Variants in KIF26B observed in about 807,000 individuals in gnomAD.
The protein encoded by KIF26B is kinesin-like protein KIF26B.
Under a neutral mutation model 151.2 loss-of-function variants are expected in KIF26B, and 63 were observed. That is an observed-to-expected ratio of 0.42 (90% CI 0.34 to 0.51). The LOEUF is 0.51. Ranked by LOEUF, KIF26B falls within the 20% of genes least tolerant of loss-of-function variation. The probability of loss-of-function intolerance (pLI) is 0.07; values close to 1 mark genes in which losing one functional copy is unlikely to be tolerated. For missense variants in KIF26B, 2,813 were observed against 2,913.6 expected (o/e 0.97, Z 0.79); for synonymous variants, 1,357 against 1,262.1 (o/e 1.08, Z -1.59).
intron 4 of KIF26B, among the ~76,000 whole-genome samples, chr1:245,428,760 G>A (rs554168956): frequency 5.9e-5 from 9 of 152,116 alleles, no homozygotes; most frequent in African/African-American, 1.7e-4. Context: ...ACTGGCGGCC[G>A]GTTGGGGTGT....
Position 245,367,429 on chromosome 1 carries a change from C to T in KIF26B, c.999+62C>T, listed in dbSNP as rs1225539851. ...GCTGGAGTCAAAGCGGAGAAGTAGG[C>T]AGCACTTCCTTCCGCTGCCTCCTCC... On this transcript the variant is annotated intron_variant, in intron 3 of 14. Transcript: ENST00000407071. The surrounding 1 kb of genome is among the most constrained non-coding windows in gnomAD (Gnocchi z 4.2). 7 of 1,420,706 alleles carry T rather than the reference C, an allele frequency of 4.9e-6. No homozygotes were observed. The highest frequency in any genetic ancestry group is 6.7e-6 in the Non-Finnish European group (7 of 1,052,344). 88.0% of individuals were successfully genotyped at this position (1,420,706 alleles called of 1,614,324 possible).
chr1:245,662,381 CACCATATATATATACACACACAT>C (rs2044157036), intron 10 of KIF26B, among the ~76,000 whole-genome samples: 1 of 89,768 alleles, frequency 1.1e-5, no homozygotes, highest in East Asian at 4.7e-4. Flanking sequence ...TATACACACA[CACCATATATATATACACACACAT>C]ACACCCAGTG....
intron 2 of KIF26B, among the ~76,000 whole-genome samples, chr1:245,364,052 C>A (rs61065340): frequency 6.6e-6 from 1 of 152,056 alleles, no homozygotes; most frequent in African/African-American, 2.4e-5. Flanking sequence ...AGGCATGTGG[C>A]GTTAGGTAGT....
At chr1:245,370,081 G>A (rs7539004) in intron 3 of KIF26B, among the ~76,000 whole-genome samples, 9,905 of 152,106 alleles carry the variant, frequency 0.065, 766 homozygotes, top group East Asian at 0.23. Flanking sequence ...AATACATGAG[G>A]AAGTTTAAAT....
chr1:245,621,464 G>C, intron 9 of KIF26B, among the ~76,000 whole-genome samples: 1 of 152,130 alleles, frequency 6.6e-6, no homozygotes, highest in African/African-American at 2.4e-5. Context: ...CGTAGGAGAC[G>C]TTATTATATT....
chr1:245,702,335 C>T lies in KIF26B; in HGVS notation c.6179-123C>T. ...GAGGGAACTCTGCAGTGGCCTAAGG[C>T]AAGCGAACTAGACCTTTAGACCAAG... On this transcript the variant is annotated intron_variant, in intron 14 of 14. Transcript: ENST00000407071. The surrounding 1 kb of genome is among the most constrained non-coding windows in gnomAD (Gnocchi z 4.1). 1 of 1,037,498 alleles carries T rather than the reference C, an allele frequency of 9.6e-7. No homozygotes were observed. The highest frequency in any genetic ancestry group is 1.4e-6 in the Non-Finnish European group (1 of 699,590). 64.3% of individuals were successfully genotyped at this position (1,037,498 alleles called of 1,614,324 possible).
intron 5 of KIF26B, among the ~76,000 whole-genome samples, chr1:245,588,492 T>C (rs1261959521): frequency 6.6e-6 from 1 of 152,144 alleles, no homozygotes; most frequent in Non-Finnish European, 1.5e-5. Context: ...CCAGCTGGGC[T>C]TCACTGGGCC....
At chr1:245,627,203 GC>G (rs2043732834) in intron 9 of KIF26B, among the ~76,000 whole-genome samples, 2 of 152,062 alleles carry the variant, frequency 1.3e-5, no homozygotes, top group South Asian at 4.2e-4. Context: ...TTCCAGTATT[GC>G]TTTGTGTGCA....
intron 5 of KIF26B, among the ~76,000 whole-genome samples, chr1:245,544,199 A>G (rs1383738896): frequency 2.0e-5 from 3 of 152,234 alleles, no homozygotes; most frequent in Non-Finnish European, 4.4e-5. Flanking sequence ...TATCTGTTGC[A>G]TAATTTATAT....
chr1:245,433,880 C>T (rs189316339), intron 4 of KIF26B, among the ~76,000 whole-genome samples: 1 of 152,134 alleles, frequency 6.6e-6, no homozygotes, highest in African/African-American at 2.4e-5. Flanking sequence ...TCCTTTTAAA[C>T]CCCAGCAACG....
chr1:245,350,957 C>T (rs1672556278), intron 2 of KIF26B, among the ~76,000 whole-genome samples: 1 of 152,134 alleles, frequency 6.6e-6, no homozygotes, highest in Non-Finnish European at 1.5e-5. Context: ...TCTGGAAAAT[C>T]CCACTCCTCT....
chr1:245,200,839 A>G (rs1375185178), intron 2 of KIF26B, among the ~76,000 whole-genome samples: 1 of 152,230 alleles, frequency 6.6e-6, no homozygotes, highest in Admixed American at 6.5e-5. Flanking sequence ...TCTTAAAATC[A>G]CAATGTATGA....
At chr1:245,583,333 G>A (rs1335644585) in intron 5 of KIF26B, among the ~76,000 whole-genome samples, 1 of 152,072 alleles carries the variant, frequency 6.6e-6, no homozygotes, top group Non-Finnish European at 1.5e-5. Flanking sequence ...TTGCTTTCAA[G>A]GCACTCACAG....
intron 5 of KIF26B, among the ~76,000 whole-genome samples, chr1:245,600,686 C>T (rs574840726): frequency 6.6e-6 from 1 of 151,786 alleles, no homozygotes; most frequent in East Asian, 2.0e-4. Flanking sequence ...AATGGTAAGG[C>T]TTGAGGCTGG....
At chr1:245,620,363 C>T (rs936853463) in intron 9 of KIF26B, among the ~76,000 whole-genome samples, 2 of 152,018 alleles carry the variant, frequency 1.3e-5, no homozygotes, top group Non-Finnish European at 2.9e-5. Flanking sequence ...ATTTTCCACT[C>T]TATAATTCCT....
intron 3 of KIF26B, among the ~76,000 whole-genome samples, chr1:245,370,374 CT>C (rs1673084199): frequency 6.8e-6 from 1 of 147,922 alleles, no homozygotes; most frequent in Non-Finnish European, 1.5e-5. Flanking sequence ...TTTGTCATTA[CT>C]TTCAATGGCA....
Position 245,703,236 on chromosome 1 carries a change from T to C in KIF26B, c.*630T>C, listed in dbSNP as rs2044797376. 6.5e-6 allele frequency: 1 copy of C among 152,690 alleles called. No homozygotes were observed. Among genetic ancestry groups the C allele is most frequent in the African/African-American group, 2.4e-5 (1 of 41,472 alleles). 9.5% of individuals were successfully genotyped at this position (152,690 alleles called of 1,614,324 possible). A position where few individuals can be genotyped will look rare whatever the true frequency, so the allele number is the denominator to read the frequency against. On this transcript the variant is annotated 3_prime_UTR_variant, in exon 15 of 15. Transcript: ENST00000407071. ...AATCAGTATTGCTTATGAATAAATATTACCTGTCTTTTATGGTTATTCTGG... is the reference window on the plus strand; with the variant it reads ...AATCAGTATTGCTTATGAATAAATACTACCTGTCTTTTATGGTTATTCTGG...
intron 2 of KIF26B, among the ~76,000 whole-genome samples, chr1:245,326,184 A>G (rs1671987964): frequency 6.6e-6 from 1 of 152,208 alleles, no homozygotes; most frequent in East Asian, 1.9e-4. Flanking sequence ...AGTCAATCTA[A>G]CTGATGTTTT....
intron 2 of KIF26B, among the ~76,000 whole-genome samples, chr1:245,193,175 G>C (rs1400414766): frequency 6.6e-6 from 1 of 152,186 alleles, no homozygotes; most frequent in African/African-American, 2.4e-5. Flanking sequence ...AGTTTGCTTA[G>C]GATGATGGCC....
Sources: gnomAD v4.1 joint callset for allele counts (sites outside exome capture counted in the v4.1 genomes callset) on GRCh38, gnomAD v4.1.1 for gene constraint, Gnocchi (gnomAD v3.1) non-coding constraint, MANE v1.5 for transcripts, NCBI Gene and HGNC (gene_info 2026-07-23, HGNC 2026-07-21) for gene names.